The following PTGES3L variants were observed in gnomAD, a reference collection of about 807,000 sequenced individuals.
PTGES3L encodes prostaglandin E synthase 3 like, also known as putative protein PTGES3L.
Under a neutral mutation model 25.0 loss-of-function variants are expected in PTGES3L, and 17 were observed. The ratio of observed to expected loss-of-function variants is 0.68; its 90% CI spans 0.47 to 1.02. The LOEUF is 1.02. PTGES3L is among the 50% of genes least tolerant of loss of function. The pLI, the probability that PTGES3L is intolerant of heterozygous loss-of-function variation, is 0.00. For synonymous variants in PTGES3L, 59 were observed against 65.7 expected, an observed-to-expected ratio of 0.90 and a Z score of 0.50; for missense variants, 202 against 197.5, an observed-to-expected ratio of 1.02 and a Z score of -0.14.
At chr17:42,979,744 C>T in intron 1 of PTGES3L, 81 bp from the exon 2 acceptor site, 4 of 1,533,540 alleles carry the variant, frequency 2.6e-6, no homozygotes, top group Non-Finnish European at 8.9e-7. Flanking sequence ...ACCCAGGGAC[C>T]TTTGATGCCA....
At chr17:42,974,194 C>T (rs1352635494) in intron 4 of PTGES3L, among the ~76,000 whole-genome samples, 1 of 151,476 alleles carries the variant, frequency 6.6e-6, no homozygotes, top group Non-Finnish European at 1.5e-5. Context: ...AACCCCATCT[C>T]TACTAAAAAT....
chr17:42,973,294 G>A (rs558998498), intron 4 of PTGES3L, among the ~76,000 whole-genome samples: 5 of 134,882 alleles, frequency 3.7e-5, no homozygotes, highest in Non-Finnish European at 6.6e-5. Context: ...GGTGAGGGGC[G>A]CCTCTGCCCG....
chr17:42,969,179 G>C lies in PTGES3L; in HGVS notation c.440C>G (p.Ser147Cys), dbSNP rs1447531452. ...ACTTGTTGCATCATCAGCACTGTCA[G>C]AATCATCCTGGGGGCGGGGGGGAAA... ...PPAMDDLDDD[S>C]DSADDATSN is the part of the protein sequence containing the mutation. The change falls in exon 7 of 7, where the codon TCT becomes TGT. Residue 147 changes from serine (S) to cysteine (C), a missense_variant. By Grantham distance (112) the Ser-to-Cys change is moderately radical. Transcript: ENST00000591916. 7.9e-7 allele frequency: 1 copy of C among 1,264,644 alleles called. No individual in the cohort carries two copies. Among genetic ancestry groups the C allele is most frequent in the South Asian group, 1.3e-5 (1 of 75,428 alleles). The allele number at this position is 1,264,644 out of a possible 1,614,324, so 78.3% of individuals were successfully genotyped here.
chr17:42,978,586 TAGCTA>T (rs2050006214), intron 4 of PTGES3L, among the ~76,000 whole-genome samples: 1 of 152,000 alleles, frequency 6.6e-6, no homozygotes, highest in Non-Finnish European at 1.5e-5. Flanking sequence ...TCAGGACAAA[TAGCTA>T]ATGTATGCAG....
At chr17:42,979,943 G>A (rs954609462) in intron 1 of PTGES3L, 103 bp downstream of exon 1, 2 of 1,457,292 alleles carry the variant, frequency 1.4e-6, no homozygotes, top group Non-Finnish European at 1.8e-6. Flanking sequence ...AGGGGTCCGG[G>A]GCTCCCGTGG....
chr17:42,978,557 C>G, intron 4 of PTGES3L, among the ~76,000 whole-genome samples: 1 of 152,112 alleles, frequency 6.6e-6, no homozygotes, highest in East Asian at 1.9e-4. Context: ...GAGAGATTAC[C>G]AAGAGAGTAA....
chr17:42,979,303 G>A, intron 3 of PTGES3L, 35 bp from the exon 4 acceptor site: 1 of 1,613,926 alleles, frequency 6.2e-7, no homozygotes, highest in Middle Eastern at 1.6e-4. Context: ...TAGGGTCTGG[G>A]GTTTAGAATT....
chr17:42,973,226 C>T (rs865994885), intron 4 of PTGES3L, among the ~76,000 whole-genome samples: 114 of 131,484 alleles, frequency 8.7e-4, no homozygotes, highest in African/African-American at 1.4e-3. Context: ...CCAGCCGCCC[C>T]GTCCGGGAGG....
rs556861298 is a variant in PTGES3L, at chr17:42,969,066, G to A, written c.*82C>T. The A allele has an allele frequency of 4.8e-6, 5 of 1,031,812 alleles. No individual in the cohort carries two copies. Among genetic ancestry groups the A allele is most frequent in the Middle Eastern group, 2.0e-4 (1 of 4,898 alleles). 63.9% of individuals were successfully genotyped at this position (1,031,812 alleles called of 1,614,324 possible). On this transcript the variant is annotated 3_prime_UTR_variant, in exon 7 of 7. Transcript: ENST00000591916. ...GAAGAACTTGGTGCACAGCCAAAGCGCTGACAAAGGCCTAGGCGCTAGCTT... is the reference window on the plus strand; with the variant it reads ...GAAGAACTTGGTGCACAGCCAAAGCACTGACAAAGGCCTAGGCGCTAGCTT...
intron 4 of PTGES3L, among the ~76,000 whole-genome samples, chr17:42,972,514 G>T (rs1238439556): frequency 6.6e-6 from 1 of 152,174 alleles, no homozygotes; most frequent in Non-Finnish European, 1.5e-5. Context: ...GGTGGAGACG[G>T]GGTTTCGCTG....
chr17:42,973,319 G>A (rs1417494524), intron 4 of PTGES3L, among the ~76,000 whole-genome samples: 2 of 133,170 alleles, frequency 1.5e-5, no homozygotes, highest in Non-Finnish European at 3.3e-5. Context: ...CCCCTACTGG[G>A]AAGTGAAGAG....
chr17:42,973,820 C>T (rs1325111822), intron 4 of PTGES3L, among the ~76,000 whole-genome samples: 1 of 145,672 alleles, frequency 6.9e-6, no homozygotes, highest in Non-Finnish European at 1.5e-5. Context: ...GTCATCACCA[C>T]TCCCTAATCT....
intron 4 of PTGES3L, among the ~76,000 whole-genome samples, chr17:42,977,024 C>A (rs941414101): frequency 1.3e-5 from 2 of 152,202 alleles, no homozygotes; most frequent in Admixed American, 1.3e-4. Flanking sequence ...GGTGTGGTGG[C>A]TCATGCCTGT....
intron 4 of PTGES3L, among the ~76,000 whole-genome samples, chr17:42,976,387 CT>C (rs570830165): frequency 2.0e-5 from 3 of 151,362 alleles, no homozygotes; most frequent in South Asian, 4.2e-4. Context: ...AAAATAATTT[CT>C]TTTTTTTTGA....
chr17:42,973,217 C>T (rs1299979937), intron 4 of PTGES3L, among the ~76,000 whole-genome samples: 2 of 148,344 alleles, frequency 1.3e-5, no homozygotes, highest in African/African-American at 4.9e-5. Context: ...CCCGCCCGGC[C>T]AGCCGCCCCG....
intron 6 of PTGES3L, 131 bp downstream of exon 6, chr17:42,970,158 G>T: frequency 1.8e-6 from 2 of 1,087,704 alleles, no homozygotes; most frequent in Non-Finnish European, 2.7e-6. Flanking sequence ...TAGCCCTCTT[G>T]GGTCAAACTC....
rs1054079613 is a variant in PTGES3L, at chr17:42,979,954, G to T, written c.8+92C>A. 10 of 1,466,170 alleles carry T rather than the reference G, an allele frequency of 6.8e-6. No individual in the cohort carries two copies. The African/African-American group carries it at 1.3e-4, about 19-fold the overall frequency. 90.8% of individuals were successfully genotyped at this position (1,466,170 alleles called of 1,614,324 possible). ...GACCAGGGGTCCGGGGCTCCCGTGG[G>T]GCCTCACAGAACCTGGAGCGCCCAG... On this transcript the variant is annotated intron_variant, in intron 1 of 6. Coordinates refer to ENST00000591916, the MANE Select transcript of PTGES3L (RefSeq NM_001261430.2).
Position 42,968,477 on chromosome 17 carries a change from A to C in PTGES3L, c.*671T>G, listed in dbSNP as rs2151946194. ...ACCCAGAAGGTGGAGGTTGCAGTGAACAGAGACTGCACCACTGCACTCCAG... is the reference window on the plus strand; with the variant it reads ...ACCCAGAAGGTGGAGGTTGCAGTGACCAGAGACTGCACCACTGCACTCCAG... On this transcript the variant is annotated 3_prime_UTR_variant, in exon 7 of 7. Transcript: ENST00000591916. 1 of 152,108 alleles carries C rather than the reference A, an allele frequency of 6.6e-6. No individual in the cohort carries two copies. Among genetic ancestry groups the C allele is most frequent in the East Asian group, 1.9e-4 (1 of 5,186 alleles). 9.4% of individuals were successfully genotyped at this position (152,108 alleles called of 1,614,324 possible).
intron 6 of PTGES3L, among the ~76,000 whole-genome samples, chr17:42,969,909 C>T (rs1190738488): frequency 6.6e-6 from 1 of 151,512 alleles, no homozygotes; most frequent in South Asian, 2.1e-4. Flanking sequence ...GGTGGATCAC[C>T]TCAGGCCAGG....
Sources: allele counts gnomAD v4.1 joint callset (sites outside exome capture counted in the v4.1 genomes callset), GRCh38; gene constraint gnomAD v4.1.1; transcripts MANE v1.5; gene names NCBI Gene and HGNC (gene_info 2026-07-23, HGNC 2026-07-21).